TAB2: variants seen among roughly 807,000 people sequenced by gnomAD.
The protein encoded by TAB2 is TGF-beta-activated kinase 1 and MAP3K7-binding protein 2.
Under a neutral mutation model 65.0 loss-of-function variants are expected in TAB2, and 3 were observed. The observed-to-expected ratio is 0.05, with a 90% CI of 0.02 to 0.12. TAB2 has a LOEUF of 0.12. Ranked by LOEUF, TAB2 falls within the 10% of genes least tolerant of loss-of-function variation. The pLI is 1.00. For missense variants in TAB2, 623 were observed against 840.3 expected (o/e 0.74, Z 3.20); for synonymous variants, 298 against 285.1 (o/e 1.05, Z -0.46).
chr6:149,406,361 A>G (rs565764208), intron 6 of TAB2, among the ~76,000 whole-genome samples: 1 of 152,348 alleles, frequency 6.6e-6, no homozygotes, highest in South Asian at 2.1e-4. Context: ...AAAAAAATGT[A>G]TGGTTACTGT....
intron 3 of TAB2, among the ~76,000 whole-genome samples, chr6:149,388,190 T>C (rs1158222259): frequency 1.3e-5 from 2 of 152,214 alleles, no homozygotes; most frequent in Admixed American, 1.3e-4. Context: ...GCCTCTGTTC[T>C]CCATCACCCT....
At chr6:149,400,778 G>T in intron 6 of TAB2, 1 of 1,269,086 alleles carries the variant, frequency 7.9e-7, no homozygotes, top group South Asian at 1.4e-5. Context: ...ACCACATTCT[G>T]ACTACTACAG....
intron 2 of TAB2, among the ~76,000 whole-genome samples, chr6:149,377,460 G>A (rs996058577): frequency 2.2e-4 from 33 of 151,834 alleles, no homozygotes; most frequent in African/African-American, 7.3e-4. Flanking sequence ...CAGAGAGAGA[G>A]GGATTACACA....
chr6:149,273,766 G>A (rs749302954), intron 1 of TAB2, among the ~76,000 whole-genome samples: 3 of 152,198 alleles, frequency 2.0e-5, no homozygotes, highest in Non-Finnish European at 4.4e-5. Flanking sequence ...AGAATGAAAT[G>A]ATGAAAGAAA....
At chr6:149,296,741 T>C (rs1778883524) in intron 1 of TAB2, among the ~76,000 whole-genome samples, 1 of 152,220 alleles carries the variant, frequency 6.6e-6, no homozygotes, top group African/African-American at 2.4e-5. Flanking sequence ...AAAAGAATGC[T>C]TCAAGGTAGA....
intron 2 of TAB2, among the ~76,000 whole-genome samples, 191 bp from the exon 3 acceptor site, chr6:149,377,827 C>G (rs1288779114): frequency 6.6e-6 from 1 of 152,056 alleles, no homozygotes; most frequent in East Asian, 1.9e-4. Context: ...TCAGAGAGAG[C>G]TTTTCCATTA....
chr6:149,242,859 C>T (rs535320019), intron 1 of TAB2, among the ~76,000 whole-genome samples: 7 of 152,318 alleles, frequency 4.6e-5, no homozygotes, highest in Admixed American at 2.0e-4. Flanking sequence ...AGATGGCAGG[C>T]CTCACAGGTC....
At chr6:149,333,875 T>G (rs563731362) in intron 1 of TAB2, among the ~76,000 whole-genome samples, 49 of 152,246 alleles carry the variant, frequency 3.2e-4, no homozygotes, top group African/African-American at 1.1e-3. Flanking sequence ...TGCTTTGCAT[T>G]AAGCATCTCA....
chr6:149,295,489 C>G (rs1013257571), intron 1 of TAB2, among the ~76,000 whole-genome samples: 12 of 152,174 alleles, frequency 7.9e-5, no homozygotes, highest in African/African-American at 2.7e-4. Flanking sequence ...CTGTCCCCTC[C>G]TTCTGGAACT....
At position 149,378,758 on chromosome 6, in the gene TAB2, T is replaced by C; in HGVS notation, c.843T>C (p.Ser281=). ...CAAATCAGCAAGGCCACCAGACCTCTCATGTCTACATGCCAATCAGTTCAC... is the reference window on the plus strand; with the variant it reads ...CAAATCAGCAAGGCCACCAGACCTCCCATGTCTACATGCCAATCAGTTCAC... ...QQPNQQGHQT[S]HVYMPISSPT... The change falls in exon 3 of 7, where the codon TCT becomes TCC. Residue 281 remains serine, a synonymous_variant. Coordinates refer to ENST00000637181, the MANE Select transcript of TAB2 (RefSeq NM_001292034.3). The C allele has an allele frequency of 6.2e-7, 1 of 1,614,116 alleles. No homozygotes were observed. The highest frequency in any genetic ancestry group is 1.1e-5 in the South Asian group (1 of 91,082).
At chr6:149,313,217 G>C (rs1386141813), upstream of TAB2, among the ~76,000 whole-genome samples, 1 of 151,864 alleles carries the variant, frequency 6.6e-6, no homozygotes, top group Non-Finnish European at 1.5e-5. Flanking sequence ...AGGCTGGAAT[G>C]CAGTGGTGCA....
chr6:149,377,192 C>T (rs1781430880), intron 2 of TAB2, among the ~76,000 whole-genome samples: 1 of 151,330 alleles, frequency 6.6e-6, no homozygotes, highest in South Asian at 2.1e-4. Flanking sequence ...GCCTCAGCCT[C>T]TCCGAGTAGC....
intron 1 of TAB2, among the ~76,000 whole-genome samples, chr6:149,284,502 C>T (rs1053086794): frequency 4.6e-5 from 7 of 152,246 alleles, no homozygotes; most frequent in Non-Finnish European, 7.4e-5. Context: ...GTGCCTATCA[C>T]GAGCACATAT....
At chr6:149,229,836 A>G (rs930422309) in intron 1 of TAB2, 6 of 152,360 alleles carry the variant, frequency 3.9e-5, no homozygotes, top group Non-Finnish European at 8.8e-5. Context: ...TTTGCAAGCC[A>G]TTGAGCAGAG....
At chr6:149,397,285 T>C (rs1782203812) in intron 3 of TAB2, among the ~76,000 whole-genome samples, 1 of 151,984 alleles carries the variant, frequency 6.6e-6, no homozygotes, top group Non-Finnish European at 1.5e-5. Flanking sequence ...CTACTAAAAA[T>C]ACAAAATTAG....
intron 3 of TAB2, among the ~76,000 whole-genome samples, chr6:149,396,086 C>T (rs868797698): frequency 6.6e-6 from 1 of 151,660 alleles, no homozygotes; most frequent in African/African-American, 2.4e-5. Flanking sequence ...GGTGTGATCT[C>T]GGCTTACTGC....
intron 1 of TAB2, among the ~76,000 whole-genome samples, chr6:149,266,457 G>A (rs752209913): frequency 5.3e-5 from 8 of 152,126 alleles, no homozygotes; most frequent in Non-Finnish European, 1.0e-4. Flanking sequence ...CTGGGATTTC[G>A]TGCTCACTGA....
At chr6:149,302,362 A>G (rs531651639) in intron 1 of TAB2, among the ~76,000 whole-genome samples, 1 of 152,318 alleles carries the variant, frequency 6.6e-6, no homozygotes, top group Admixed American at 6.5e-5. Flanking sequence ...ATATCTATGT[A>G]TATTTTTGAA....
intron 3 of TAB2, chr6:149,379,822 T>TG (rs1210655513): frequency 6.6e-6 from 3 of 451,598 alleles, no homozygotes; most frequent in Non-Finnish European, 4.4e-6. Flanking sequence ...CCTGTGGTGA[T>TG]GCTGACTTTC....
Sources: allele counts gnomAD v4.1 joint callset (sites outside exome capture counted in the v4.1 genomes callset), GRCh38; gene constraint gnomAD v4.1.1; transcripts MANE v1.5; gene names NCBI Gene and HGNC (gene_info 2026-07-23, HGNC 2026-07-21).